Variants in ABLIM2 observed in about 807,000 individuals in gnomAD.
ABLIM2 encodes the protein actin binding LIM protein family member 2, also known as actin-binding LIM protein 2.
In ABLIM2, 53 loss-of-function variants were observed where a neutral mutation model predicts 97.7. The ratio of observed to expected loss-of-function variants is 0.54; its 90% CI spans 0.44 to 0.68. The LOEUF is 0.68. Among genes scored for constraint, ABLIM2 ranks in the 30% least tolerant of loss-of-function variants. The probability of loss-of-function intolerance (pLI) is 0.00; values close to 1 mark genes in which losing one functional copy is unlikely to be tolerated. For missense variants in ABLIM2, 835 were observed against 867.2 expected (o/e 0.96, Z 0.47); for synonymous variants, 361 against 345.8 (o/e 1.04, Z -0.49).
intron 17 of ABLIM2, 147 bp from the exon 18 acceptor site, chr4:7,985,040 G>C: frequency 4.0e-6 from 3 of 749,568 alleles, no homozygotes; most frequent in Non-Finnish European, 6.6e-6. Flanking sequence ...AGTGGGGCGT[G>C]ACAGAAGGAC....
chr4:7,967,503 G>A (rs922381821), intron 20 of ABLIM2, among the ~76,000 whole-genome samples: 4 of 152,218 alleles, frequency 2.6e-5, no homozygotes, highest in African/African-American at 4.8e-5. Context: ...GCTGCCATCC[G>A]AGAGCAGGAG....
In ABLIM2 at chr4:8,002,602, C is replaced by T. The variant is rs1211203077; in HGVS notation, c.1618+5457G>A. On this transcript the variant is annotated intron_variant, in intron 16 of 20. Transcript: ENST00000447017. The surrounding 1 kb of genome is among the most constrained non-coding windows in gnomAD (Gnocchi z 6.1). Reference sequence around the variant, plus strand: ...TCCTGATTGGACCTCGGCCTGCTTCCACCAGCTTCTGGCGAGTCCCAGCTC... The same window carrying T: ...TCCTGATTGGACCTCGGCCTGCTTCTACCAGCTTCTGGCGAGTCCCAGCTC... Among the ~76,000 whole-genome samples, 3 of 152,174 alleles carry T rather than the reference C, an allele frequency of 2.0e-5. No individual in the cohort carries two copies. The highest frequency in any genetic ancestry group is 7.2e-5 in the African/African-American group (3 of 41,438).
intron 7 of ABLIM2, among the ~76,000 whole-genome samples, 194 bp downstream of exon 7, chr4:8,060,773 C>T (rs1302867763): frequency 8.5e-5 from 13 of 152,180 alleles, no homozygotes; most frequent in African/African-American, 3.1e-4. Flanking sequence ...GATCATTGGA[C>T]AGACAAGGCA....
At chr4:7,976,984 G>A (rs938201500) in intron 20 of ABLIM2, among the ~76,000 whole-genome samples, 4 of 151,862 alleles carry the variant, frequency 2.6e-5, no homozygotes, top group African/African-American at 9.7e-5. Flanking sequence ...CACACACACT[G>A]ATATGGTTTG....
At chr4:8,045,113 C>A in intron 9 of ABLIM2, 51 bp downstream of exon 9, 3 of 1,561,230 alleles carry the variant, frequency 1.9e-6, no homozygotes, top group South Asian at 2.2e-5. Flanking sequence ...CCGGGCCCCC[C>A]TTCTCTCTCC....
chr4:7,994,058 C>A lies in ABLIM2; in HGVS notation c.1619-1131G>T. On this transcript the variant is annotated intron_variant, in intron 16 of 20. Transcript: ENST00000447017. ...AGCCTGGACCCTGGAGGGGCAGGAC[C>A]CTCCACACCCAGGGAAGCATTCTTT... is the stretch of plus-strand genomic sequence containing the variant. 2 of 401,546 alleles carry A rather than the reference C, an allele frequency of 5.0e-6. 1 individual carries two copies. The highest frequency in any genetic ancestry group is 6.1e-5 in the Admixed American group (2 of 32,866). 24.9% of individuals were successfully genotyped at this position (401,546 alleles called of 1,614,324 possible).
In ABLIM2 at chr4:8,043,307, A is replaced by G. The variant is rs1789977551; in HGVS notation, c.900+1857T>C. 6.6e-6 allele frequency among the ~76,000 whole-genome samples: 1 copy of G among 152,154 alleles called. No homozygotes were observed. Among genetic ancestry groups the G allele is most frequent in the African/African-American group, 2.4e-5 (1 of 41,440 alleles). On this transcript the variant is annotated intron_variant, in intron 9 of 20. Transcript: ENST00000447017. The surrounding 1 kb of genome is among the most constrained non-coding windows in gnomAD (Gnocchi z 4.8). Reference sequence around the variant, plus strand: ...AGGAGTGTCAGCTGTGACCCTTTCAATGGGTGAGGAAACAGACCATACCTT... The same window carrying G: ...AGGAGTGTCAGCTGTGACCCTTTCAGTGGGTGAGGAAACAGACCATACCTT...
intron 16 of ABLIM2, chr4:8,007,223 A>T (rs1762038930): frequency 1.0e-6 from 1 of 985,286 alleles, no homozygotes; most frequent in Admixed American, 6.2e-5. Flanking sequence ...CGAATGCCAC[A>T]CACATACCCA....
At chr4:8,051,559 T>G (rs1193603949) in intron 8 of ABLIM2, among the ~76,000 whole-genome samples, 4 of 70,592 alleles carry the variant, frequency 5.7e-5, no homozygotes, top group African/African-American at 7.7e-5. Flanking sequence ...CGAGATTCCA[T>G]CTCAAAAAAA....
At chr4:8,080,949 G>T in intron 4 of ABLIM2, 147 bp from the exon 5 acceptor site, 1 of 1,040,240 alleles carries the variant, frequency 9.6e-7, no homozygotes, top group Non-Finnish European at 1.4e-6. Context: ...GCTTGGAGGA[G>T]TCTCTTACAC....
rs546723772 is a variant in ABLIM2 at position 8,046,992 on chromosome 4, G to A, written c.823-1751C>T. On this transcript the variant is annotated intron_variant, in intron 8 of 20. Coordinates refer to ENST00000447017, the MANE Select transcript of ABLIM2 (RefSeq NM_001130083.2). This position sits in a 1 kb window ranked among gnomAD's most constrained non-coding sequence, Gnocchi z 4.4. ...CTGCTGTGCAGGCCACCCAGGCCGG[G>A]TGCCTTTATCGGGGAAGCCCCAGCT... Among the ~76,000 whole-genome samples the A allele has an allele frequency of 4.1e-4, 63 of 152,324 alleles. No homozygotes were observed. The highest frequency in any genetic ancestry group is 7.2e-4 in the Non-Finnish European group (49 of 68,024).
chr4:8,048,326 G>A (rs972974580), intron 8 of ABLIM2, among the ~76,000 whole-genome samples: 1 of 152,230 alleles, frequency 6.6e-6, no homozygotes, highest in African/African-American at 2.4e-5. Flanking sequence ...CAAGCGCCTT[G>A]TTCAGACCCA....
At chr4:8,080,601 C>G in intron 5 of ABLIM2, 75 bp downstream of exon 5, 1 of 1,440,914 alleles carries the variant, frequency 6.9e-7, no homozygotes, top group South Asian at 1.5e-5. Flanking sequence ...GCTGGGGACA[C>G]GTGCAGAGTG....
rs1436313592 is a variant in ABLIM2 at position 8,015,266 on chromosome 4, CAGA to C, written c.1423+4349_1423+4351del. Among the ~76,000 whole-genome samples, 1 of 152,102 alleles carries C rather than the reference CAGA, an allele frequency of 6.6e-6. No individual in the cohort carries two copies. Among genetic ancestry groups the C allele is most frequent in the African/African-American group, 2.4e-5 (1 of 41,426 alleles). ...CAGCCTCTCTGCATTCACTGCACTG[CAGA>C]AGGAGAGGTTAGCGTGTCTTTTGTA... On this transcript the variant is annotated intron_variant, in intron 14 of 20. Coordinates refer to ENST00000447017, the MANE Select transcript of ABLIM2 (RefSeq NM_001130083.2). This position sits in a 1 kb window ranked among gnomAD's most constrained non-coding sequence, Gnocchi z 4.6.
chr4:8,103,011 C>A (rs1285142581), intron 2 of ABLIM2, among the ~76,000 whole-genome samples: 2 of 152,208 alleles, frequency 1.3e-5, no homozygotes, highest in African/African-American at 4.8e-5. Context: ...GGCTGCATGC[C>A]ATGCGGTGAG....
chr4:8,048,165 G>A (rs1171453669), intron 8 of ABLIM2, among the ~76,000 whole-genome samples: 1 of 152,232 alleles, frequency 6.6e-6, no homozygotes, highest in African/African-American at 2.4e-5. Flanking sequence ...TGCGATGGGT[G>A]GGGATGAGTC....
intron 8 of ABLIM2, among the ~76,000 whole-genome samples, chr4:8,048,008 G>A (rs1313912030): frequency 2.0e-5 from 3 of 152,240 alleles, no homozygotes; most frequent in African/African-American, 7.2e-5. Flanking sequence ...CTCCAACTGT[G>A]CCTTGGTACA....
intron 14 of ABLIM2, among the ~76,000 whole-genome samples, chr4:8,012,429 G>T (rs912339085): frequency 1.6e-4 from 14 of 87,598 alleles, no homozygotes; most frequent in African/African-American, 5.9e-4. Context: ...TCATCTACCC[G>T]CCCACCCATC....
intron 3 of ABLIM2, among the ~76,000 whole-genome samples, chr4:8,091,583 AAAT>A (rs1828253030): frequency 9.1e-5 from 3 of 32,954 alleles, no homozygotes; most frequent in Non-Finnish European, 1.3e-4. Flanking sequence ...ATTTTATATA[AAAT>A]TATATATATA....
Sources: allele counts gnomAD v4.1 joint callset (sites outside exome capture counted in the v4.1 genomes callset), GRCh38; gene constraint gnomAD v4.1.1; non-coding constraint Gnocchi (gnomAD v3.1); transcripts MANE v1.5; gene names NCBI Gene and HGNC (gene_info 2026-07-23, HGNC 2026-07-21).